TIPARP: variants seen among roughly 807,000 people sequenced by gnomAD.
TIPARP encodes protein mono-ADP-ribosyltransferase TIPARP.
A neutral mutation model predicts 56.5 loss-of-function variants in TIPARP; 12 were observed. The observed-to-expected ratio is 0.21, with a 90% CI of 0.14 to 0.34. TIPARP has a LOEUF of 0.34. Among genes scored for constraint, TIPARP ranks in the 10% least tolerant of loss-of-function variants. The pLI is 1.00. For synonymous variants in TIPARP, 296 were observed against 265.7 expected, an observed-to-expected ratio of 1.11 and a Z score of -1.11; for missense variants, 604 against 781.6, an observed-to-expected ratio of 0.77 and a Z score of 2.71.
chr3:156,690,968 A>G (rs555097809), intron 2 of TIPARP, among the ~76,000 whole-genome samples: 300 of 152,184 alleles, frequency 2.0e-3, no homozygotes, highest in Non-Finnish European at 3.5e-3. Flanking sequence ...TCCTAACCTT[A>G]TATCTTAAGG....
rs1203098227 is a variant in TIPARP at position 156,703,481 on chromosome 3, A to G, written c.1305A>G (p.Ser435=). The change falls in exon 5 of 6, where the codon TCA becomes TCG. Residue 435 remains serine, a synonymous_variant. Coordinates refer to ENST00000295924, the MANE Select transcript of TIPARP (RefSeq NM_015508.5). Reference sequence around the variant, plus strand: ...CACCTCTTGAAGCAACTTCATCATCACAAATTATCTGCCCAGATGGGGTCA... The same window carrying G: ...CACCTCTTGAAGCAACTTCATCATCGCAAATTATCTGCCCAGATGGGGTCA... The part of the protein sequence containing the change: ...APPPLEATSS[S]QIICPDGVTS... The G allele has an allele frequency of 1.1e-5, 17 of 1,614,208 alleles. No homozygotes were observed. The South Asian group carries it at 1.5e-4, about 15-fold the overall frequency.
rs745663982 is a variant in TIPARP, at chr3:156,704,723, C to G, written c.1566C>G (p.Asp522Glu). ...TGAACAGGAAAATGTTTGGCCGTGACAGGATAATAAATGAGAGACATTTAT... is the reference window on the plus strand; with the variant it reads ...TGAACAGGAAAATGTTTGGCCGTGAGAGGATAATAAATGAGAGACATTTAT... ...EYMNRKMFGR[D>E]RIINERHLFH... Residue 522 changes from aspartate (D) to glutamate (E), a missense_variant, in exon 6 of 6, where the codon GAC (aspartate) becomes GAG (glutamate). Coordinates refer to ENST00000295924, the MANE Select transcript of TIPARP (RefSeq NM_015508.5). 1.9e-6 allele frequency: 3 copies of G among 1,614,046 alleles called. No individual in the cohort carries two copies. The highest frequency in any genetic ancestry group is 1.7e-6 in the Non-Finnish European group (2 of 1,179,972).
At chr3:156,691,823 C>T (rs1383527544) in intron 2 of TIPARP, among the ~76,000 whole-genome samples, 1 of 152,108 alleles carries the variant, frequency 6.6e-6, no homozygotes, top group African/African-American at 2.4e-5. Flanking sequence ...AGAGCTAAAA[C>T]AGTACTTTGA....
In TIPARP at chr3:156,704,762, C is replaced by T; in HGVS notation, c.1605C>T (p.Ser535=). The part of the protein sequence containing the change: ...INERHLFHGT[S]QDVVDGICKH... Reference sequence around the variant, plus strand: ...AGAGACATTTATTTCATGGAACATCCCAGGATGTGGTAGATGGAATCTGCA... The same window carrying T: ...AGAGACATTTATTTCATGGAACATCTCAGGATGTGGTAGATGGAATCTGCA... The change falls in exon 6 of 6, where the codon TCC becomes TCT. Residue 535 remains serine (S), a synonymous_variant. Transcript: ENST00000295924. 6.2e-7 allele frequency: 1 copy of T among 1,614,112 alleles called. No homozygotes were observed. Among genetic ancestry groups the T allele is most frequent in the Non-Finnish European group, 8.5e-7 (1 of 1,180,018 alleles).
chr3:156,705,249 C>A lies in TIPARP; in HGVS notation c.*118C>A. The A allele has an allele frequency of 1.4e-6, 1 of 694,910 alleles. No individual in the cohort carries two copies. The highest frequency in any genetic ancestry group is 2.3e-6 in the Non-Finnish European group (1 of 443,014). The allele number at this position is 694,910 out of a possible 1,614,324, so 43.0% of individuals were successfully genotyped here. A position where few individuals can be genotyped will look rare whatever the true frequency, so the allele number is the denominator to read the frequency against. ...GGACATTAATAGGGCACTTTTCAGA[C>A]CCATTTTTTAAAGTGCTAGAAAATG... On this transcript the variant is annotated 3_prime_UTR_variant, in exon 6 of 6. Coordinates refer to ENST00000295924, the MANE Select transcript of TIPARP (RefSeq NM_015508.5).
At chr3:156,698,269 A>T (rs1376520703) in intron 4 of TIPARP, among the ~76,000 whole-genome samples, 1 of 152,252 alleles carries the variant, frequency 6.6e-6, no homozygotes, top group Admixed American at 6.5e-5. Context: ...TAGAAGCTGT[A>T]GCAAGTTATC....
chr3:156,688,488 C>T (rs868706093), intron 2 of TIPARP, among the ~76,000 whole-genome samples: 51 of 149,134 alleles, frequency 3.4e-4, no homozygotes, highest in Middle Eastern at 6.9e-3. Context: ...TGCCGCCCCC[C>T]CCCGCAATAA....
Position 156,678,212 on chromosome 3 carries a change from C to T in TIPARP, c.515C>T (p.Pro172Leu). The T allele has an allele frequency of 6.2e-7, 1 of 1,614,128 alleles. No individual in the cohort carries two copies. The highest frequency in any genetic ancestry group is 8.5e-7 in the Non-Finnish European group (1 of 1,180,044). The change falls in exon 2 of 6, where the codon CCT becomes CTT. Residue 172 changes from proline (P) to leucine (L), a missense_variant. Physicochemically the swap from Pro to Leu is moderately conservative, Grantham distance 98. Transcript: ENST00000295924. The part of the protein sequence containing the change: ...DLLHPVSSDV[P>L]TSPDCLDKVI... ...TTGCACCCAGTTTCAAGTGATGTTC[C>T]TACTAGTCCTGACTGCTTAGACAAA...
intron 2 of TIPARP, among the ~76,000 whole-genome samples, chr3:156,682,983 G>C (rs958427729): frequency 1.2e-4 from 19 of 152,262 alleles, no homozygotes; most frequent in Admixed American, 1.2e-3. Flanking sequence ...TACTAACCCA[G>C]AGAAGTTACT....
intron 2 of TIPARP, among the ~76,000 whole-genome samples, chr3:156,679,930 T>G (rs1577034053): frequency 6.6e-6 from 1 of 152,308 alleles, no homozygotes; most frequent in Non-Finnish European, 1.5e-5. Context: ...GTTTTTTTTG[T>G]TTGTTTGTTT....
intron 2 of TIPARP, among the ~76,000 whole-genome samples, chr3:156,681,421 C>T (rs1722302666): frequency 6.6e-6 from 1 of 152,098 alleles, no homozygotes; most frequent in South Asian, 2.1e-4. Flanking sequence ...ATTCTGTATC[C>T]ATAACATCTT....
chr3:156,675,179 G>GA (rs946583148), intron 1 of TIPARP: 18 of 578 alleles, frequency 0.031, no homozygotes, highest in Admixed American at 0.3. Context: ...CCCAGACCCC[G>GA]GGGGGGAGGG....
Position 156,687,522 on chromosome 3 carries a change from G to A in TIPARP, c.918-6498G>A, listed in dbSNP as rs576880687. ...TAGATACTGTAATTTGCTTTTAGTG[G>A]TTGCATTGGGGCCGGTGGACTTCAT... On this transcript the variant is annotated intron_variant, in intron 2 of 5. Transcript: ENST00000295924. Among the ~76,000 whole-genome samples the A allele has an allele frequency of 2.0e-5, 3 of 152,224 alleles. No homozygotes were observed. In the South Asian group the frequency reaches 6.2e-4, roughly 32 times the overall value.
At chr3:156,698,583 A>G (rs1156934540) in intron 4 of TIPARP, among the ~76,000 whole-genome samples, 2 of 152,190 alleles carry the variant, frequency 1.3e-5, no homozygotes, top group Middle Eastern at 3.2e-3. Flanking sequence ...TTTTAAGCCC[A>G]CTATTGAGAC....
rs1459421210 is a variant in TIPARP, at chr3:156,678,173, T to C, written c.476T>C (p.Phe159Ser). The C allele has an allele frequency of 3.1e-6, 5 of 1,614,098 alleles. No homozygotes were observed. Among genetic ancestry groups the C allele is most frequent in the Admixed American group, 3.3e-5 (2 of 60,030 alleles). Residue 159 changes from phenylalanine (F) to serine (S), a missense_variant, in exon 2 of 6, where the codon TTC becomes TCC. By Grantham distance (155) the Phe-to-Ser change is radical. Transcript: ENST00000295924. ...GTVADSTPAH[F>S]QTDLLHPVSS... ...GTGGCAGATTCCACACCAGCTCACT[T>C]CCAGACTGATCTTTTGCACCCAGTT...
At chr3:156,676,010 A>G (rs529632446) in intron 1 of TIPARP, among the ~76,000 whole-genome samples, 15 of 152,314 alleles carry the variant, frequency 9.8e-5, no homozygotes, top group Admixed American at 9.8e-4. Context: ...GCGCAGACAC[A>G]CATATAAATA....
intron 3 of TIPARP, among the ~76,000 whole-genome samples, chr3:156,695,539 A>G (rs1722691511): frequency 6.6e-6 from 1 of 151,966 alleles, no homozygotes; most frequent in African/African-American, 2.4e-5. Context: ...CACTATCTTT[A>G]ATTCCTCTTT....
At chr3:156,685,222 A>C (rs370131993) in intron 2 of TIPARP, among the ~76,000 whole-genome samples, 11 of 152,202 alleles carry the variant, frequency 7.2e-5, no homozygotes, top group African/African-American at 2.7e-4. Context: ...CATTGAAGAG[A>C]GTTAACTAAG....
chr3:156,702,019 C>CGGTGGTGGTGGTGGTGGT (rs67188281), intron 4 of TIPARP, among the ~76,000 whole-genome samples: 7 of 98,660 alleles, frequency 7.1e-5, no homozygotes, highest in South Asian at 8.2e-4. Flanking sequence ...GATGATAATG[C>CGGTGGTGGTGGTGGTGGT]GGTGGTGGTG....
Sources: allele counts gnomAD v4.1 joint callset (sites outside exome capture counted in the v4.1 genomes callset), GRCh38; gene constraint gnomAD v4.1.1; transcripts MANE v1.5; gene names NCBI Gene and HGNC (gene_info 2026-07-23, HGNC 2026-07-21).